Variants in UBR1 observed in about 807,000 individuals in gnomAD.
UBR1 encodes E3 ubiquitin-protein ligase UBR1.
UBR1 carries 102 observed loss-of-function variants against 242.1 expected under a neutral mutation model. The observed-to-expected ratio is 0.42, with a 90% CI of 0.36 to 0.50. The LOEUF (loss-of-function observed/expected upper bound fraction) is 0.50, where lower values mean the gene tolerates loss of function less well. UBR1 is among the 20% of genes least tolerant of loss of function. UBR1 has a pLI of 0.01. For synonymous variants in UBR1, 675 were observed against 684.8 expected (o/e 0.99, Z 0.22); for missense variants, 1,772 against 2,101.8 (o/e 0.84, Z 3.07).
intron 12 of UBR1, among the ~76,000 whole-genome samples, chr15:43,050,717 C>G (rs1411573881): frequency 7.2e-6 from 1 of 139,292 alleles, no homozygotes; most frequent in African/African-American, 2.9e-5. Context: ...GAGCGAGACT[C>G]CGTCTTAAAA....
chr15:42,950,533 G>T (rs1328558481), intron 45 of UBR1, 170 bp from the exon 46 acceptor site: 1 of 633,746 alleles, frequency 1.6e-6, no homozygotes, highest in African/African-American at 1.8e-5. Flanking sequence ...AAATAAAAGA[G>T]AACACTTATT....
chr15:42,953,176 T>C (rs2031862877), intron 44 of UBR1, among the ~76,000 whole-genome samples: 1 of 152,252 alleles, frequency 6.6e-6, no homozygotes, highest in South Asian at 2.1e-4. Context: ...TAGTGTTTTA[T>C]GATGAGACCA....
intron 32 of UBR1, among the ~76,000 whole-genome samples, chr15:43,001,149 T>C (rs890102409): frequency 2.2e-5 from 3 of 136,660 alleles, no homozygotes; most frequent in African/African-American, 8.5e-5. Context: ...AGAGCAATTC[T>C]TTTTTTTTTT....
chr15:43,026,655 C>G lies in UBR1; in HGVS notation c.2441G>C (p.Gly814Ala). ...INKVATFKKP[G>A]VSGHGVYELK... ...TTCATAAACTCCATGGCCTGATACA[C>G]CTGGTTTCCTAAATAGATGGAAAAT... Residue 814 changes from glycine (G) to alanine (A), a missense_variant, in exon 23 of 47, where the codon GGT becomes GCT. Gly to Ala is a moderately conservative substitution (Grantham distance 60). Around this residue, in one of 3 missense-constraint regions of UBR1, gnomAD observed 73 missense variants for 128.9 expected, o/e 0.57. Coordinates refer to ENST00000290650, the MANE Select transcript of UBR1 (RefSeq NM_174916.3). The G allele has an allele frequency of 2.5e-6, 4 of 1,612,150 alleles. No homozygotes were observed. The highest frequency in any genetic ancestry group is 3.4e-6 in the Non-Finnish European group (4 of 1,179,294).
chr15:42,965,230 C>A (rs1394453579), intron 41 of UBR1, among the ~76,000 whole-genome samples: 2 of 152,150 alleles, frequency 1.3e-5, no homozygotes, highest in Non-Finnish European at 2.9e-5. Flanking sequence ...ACCTGGTCAG[C>A]TTATTCTCAA....
intron 6 of UBR1, 133 bp from the exon 7 acceptor site, chr15:43,060,247 G>T: frequency 1.2e-6 from 1 of 851,192 alleles, no homozygotes; most frequent in Non-Finnish European, 2.0e-6. Flanking sequence ...TAAGATACCG[G>T]AACAATATCT....
At chr15:43,073,502 T>G (rs549712868) in intron 4 of UBR1, among the ~76,000 whole-genome samples, 1 of 152,348 alleles carries the variant, frequency 6.6e-6, no homozygotes, top group East Asian at 1.9e-4. Flanking sequence ...CTAGAGATAC[T>G]TGGTTACCAT....
chr15:42,957,876 CAAACAA>C, intron 44 of UBR1, 131 bp downstream of exon 44: 1 of 770,088 alleles, frequency 1.3e-6, no homozygotes, highest in Non-Finnish European at 2.1e-6. Flanking sequence ...AAAAAACAAA[CAAACAA>C]AAACAAAAAA....
In UBR1 at chr15:43,082,525, C is replaced by G. The variant is rs2033984991; in HGVS notation, c.417+113G>C. Reference sequence around the variant, plus strand: ...TCTTCCAATCTTTTCTTTAAAATGGCTATGTTCACATATCAGAGCTGTTAT... The same window carrying G: ...TCTTCCAATCTTTTCTTTAAAATGGGTATGTTCACATATCAGAGCTGTTAT... On this transcript the variant is annotated intron_variant, in intron 3 of 46. Coordinates refer to ENST00000290650, the MANE Select transcript of UBR1 (RefSeq NM_174916.3). 3 of 816,120 alleles carry G rather than the reference C, an allele frequency of 3.7e-6. No individual in the cohort carries two copies. In the African/African-American group the frequency reaches 5.1e-5, roughly 14 times the overall value. The allele number at this position is 816,120 out of a possible 1,614,324, so 50.6% of individuals were successfully genotyped here.
intron 17 of UBR1, among the ~76,000 whole-genome samples, chr15:43,037,306 C>A (rs1189519803): frequency 6.6e-6 from 1 of 150,708 alleles, no homozygotes; most frequent in Non-Finnish European, 1.5e-5. Context: ...TGAGATTACA[C>A]CACTGCACTC....
intron 32 of UBR1, 100 bp from the exon 33 acceptor site, chr15:42,998,365 A>T: frequency 9.2e-7 from 1 of 1,084,706 alleles, no homozygotes; most frequent in South Asian, 1.3e-5. Flanking sequence ...CATATAAAAA[A>T]GTTGAGTTCC....
chr15:43,065,054 C>T (rs572289937), intron 6 of UBR1, among the ~76,000 whole-genome samples: 2 of 152,146 alleles, frequency 1.3e-5, no homozygotes, highest in African/African-American at 4.8e-5. Context: ...ATCTAACATC[C>T]CAAGTAGATT....
intron 27 of UBR1, among the ~76,000 whole-genome samples, chr15:43,020,182 G>C (rs557230068): frequency 6.6e-6 from 1 of 152,256 alleles, no homozygotes; most frequent in African/African-American, 2.4e-5. Flanking sequence ...TAGGACTACA[G>C]GTGTGCCCCA....
chr15:43,019,149 C>T (rs1331643432), intron 27 of UBR1, among the ~76,000 whole-genome samples: 5 of 152,068 alleles, frequency 3.3e-5, no homozygotes, highest in African/African-American at 9.7e-5. Context: ...GCAAGCTCCA[C>T]CTCCCGGGTT....
chr15:42,954,724 C>A (rs1423381823), intron 44 of UBR1, among the ~76,000 whole-genome samples: 1 of 152,100 alleles, frequency 6.6e-6, no homozygotes, highest in Non-Finnish European at 1.5e-5. Flanking sequence ...CGCCAACATA[C>A]CTGGCTAATT....
chr15:43,072,088 G>T (rs1861984152), intron 4 of UBR1, among the ~76,000 whole-genome samples: 1 of 152,146 alleles, frequency 6.6e-6, no homozygotes, highest in African/African-American at 2.4e-5. Context: ...CTGGCCTCAA[G>T]TGATCCACCC....
Position 43,036,465 on chromosome 15 carries a change from C to T in UBR1, c.2088+63G>A, listed in dbSNP as rs3784265. 0.86 allele frequency: 1,156,999 copies of T among 1,340,594 alleles called. 501,720 individuals carry two copies. Among genetic ancestry groups the T allele is most frequent in the Non-Finnish European group, 0.88 (823,433 of 933,560 alleles). The allele number at this position is 1,340,594 out of a possible 1,614,324, so 83.0% of individuals were successfully genotyped here. ...TAAAAATTATTACATTATCTTCTCTCCTTAGAAAGAATTCAAGAAGGAAGA... is the reference window on the plus strand; with the variant it reads ...TAAAAATTATTACATTATCTTCTCTTCTTAGAAAGAATTCAAGAAGGAAGA... On this transcript the variant is annotated intron_variant, in intron 18 of 46. Transcript: ENST00000290650.
intron 46 of UBR1, among the ~76,000 whole-genome samples, chr15:42,946,133 T>C (rs2031729324): frequency 6.6e-6 from 1 of 152,000 alleles, no homozygotes; most frequent in Admixed American, 6.6e-5. Flanking sequence ...TTTTTGTTTT[T>C]GTTTTTTGGA....
At chr15:42,976,967 TTG>T (rs958989544) in intron 38 of UBR1, 100 bp from the exon 39 acceptor site, 17 of 1,285,828 alleles carry the variant, frequency 1.3e-5, no homozygotes, top group Admixed American at 1.2e-4. Flanking sequence ...TACACAGTGT[TTG>T]TGTGTGTGTT....
Sources: gnomAD v4.1 joint callset for allele counts (sites outside exome capture counted in the v4.1 genomes callset) on GRCh38, gnomAD v4.1.1 for gene constraint, gnomAD v4.1.1 regional missense constraint, MANE v1.5 for transcripts, NCBI Gene and HGNC (gene_info 2026-07-23, HGNC 2026-07-21) for gene names.